HELLS: variants seen among roughly 807,000 people sequenced by gnomAD.
HELLS encodes the protein helicase, lymphoid specific.
HELLS carries 32 observed loss-of-function variants against 120.0 expected under a neutral mutation model. The observed-to-expected ratio is 0.27, with a 90% CI of 0.20 to 0.36. The LOEUF (loss-of-function observed/expected upper bound fraction) is 0.36, where lower values mean the gene tolerates loss of function less well. HELLS is among the 10% of genes least tolerant of loss of function. HELLS has a pLI of 1.00. For synonymous variants in HELLS, 341 were observed against 323.4 expected (o/e 1.05, Z -0.58); for missense variants, 650 against 993.4 (o/e 0.65, Z 4.65).
At chr10:94,550,078 G>C (rs1166015373) in intron 2 of HELLS, among the ~76,000 whole-genome samples, 1 of 152,004 alleles carries the variant, frequency 6.6e-6, no homozygotes, top group African/African-American at 2.4e-5. Context: ...GTGCCGCCAA[G>C]CCTGGCTAAT....
chr10:94,587,427 TTGTGTG>T (rs149130379), intron 12 of HELLS, among the ~76,000 whole-genome samples: 1 of 150,766 alleles, frequency 6.6e-6, no homozygotes, highest in Admixed American at 6.6e-5. Context: ...TTATACACTT[TTGTGTG>T]TGTGTGTGTG....
intron 7 of HELLS, among the ~76,000 whole-genome samples, 176 bp from the exon 8 acceptor site, chr10:94,573,784 T>C (rs542099823): frequency 1.3e-5 from 2 of 152,004 alleles, no homozygotes; most frequent in Non-Finnish European, 1.5e-5. Flanking sequence ...TTTTAGTAGC[T>C]TTTCATTTGT....
In HELLS at chr10:94,588,165, C is replaced by CAGTATTCCTTGAAAAACA. The variant is rs1300540807; in HGVS notation, c.1327-61_1327-44dup. On this transcript the variant is annotated intron_variant, in intron 12 of 21. Coordinates refer to ENST00000348459, the MANE Select transcript of HELLS (RefSeq NM_018063.5). ...GATAAGGTAAAGGAGTATATGGGGA[C>CAGTATTCCTTGAAAAACA]AGTATTCCTTGAAAAACAAGAATGT... The CAGTATTCCTTGAAAAACA allele has an allele frequency of 4.5e-6, 4 of 894,358 alleles. No individual in the cohort carries two copies. The African/African-American group carries it at 6.7e-5, about 15-fold the overall frequency. The allele number at this position is 894,358 out of a possible 1,614,324, so 55.4% of individuals were successfully genotyped here.
chr10:94,571,290 T>A (rs1252402986), intron 6 of HELLS, 98 bp from the exon 7 acceptor site: 10 of 1,011,504 alleles, frequency 9.9e-6, no homozygotes, highest in Non-Finnish European at 1.4e-5. Context: ...CTCATCCTCA[T>A]TTCCTGGCAA....
intron 2 of HELLS, among the ~76,000 whole-genome samples, chr10:94,548,796 C>A (rs753804717): frequency 2.2e-4 from 34 of 152,072 alleles, no homozygotes; most frequent in Non-Finnish European, 4.1e-4. Flanking sequence ...GAGTTCGAGA[C>A]CAGTTTGGCC....
chr10:94,602,254 C>G (rs576270426), downstream of HELLS, among the ~76,000 whole-genome samples: 5 of 152,132 alleles, frequency 3.3e-5, no homozygotes, highest in African/African-American at 1.2e-4. Flanking sequence ...TGTGTTAGCA[C>G]AAGAGAAGTT....
At chr10:94,580,699 T>A (rs1372108618) in intron 10 of HELLS, among the ~76,000 whole-genome samples, 1 of 152,174 alleles carries the variant, frequency 6.6e-6, no homozygotes, top group African/African-American at 2.4e-5. Context: ...GTCAGTCCCA[T>A]TTTTTAAGGA....
intron 6 of HELLS, among the ~76,000 whole-genome samples, chr10:94,566,864 AG>A (rs1195444397): frequency 1.3e-5 from 2 of 151,936 alleles, no homozygotes; most frequent in African/African-American, 4.8e-5. Flanking sequence ...CATCTTGGCC[AG>A]GCTGGTCTCA....
rs774628188 is a variant in HELLS at position 94,550,221 on chromosome 10, A to AT, written c.153+3734dup. On this transcript the variant is annotated intron_variant, in intron 2 of 21. Coordinates refer to ENST00000348459, the MANE Select transcript of HELLS (RefSeq NM_018063.5). Reference sequence around the variant, plus strand: ...AGGCATTAGCCACCATGCCCAGCTGATTTTTTTTTTTAGGAAAAATTTTTC... The same window carrying AT: ...AGGCATTAGCCACCATGCCCAGCTGATTTTTTTTTTTTAGGAAAAATTTTTC... 6.2e-3 allele frequency among the ~76,000 whole-genome samples: 900 copies of AT among 145,746 alleles called. 4 individuals are homozygous for AT. The highest frequency in any genetic ancestry group is 0.013 in the African/African-American group (510 of 39,902).
chr10:94,588,187 A>C (rs776018721), intron 12 of HELLS, 42 bp from the exon 13 acceptor site: 2 of 1,220,774 alleles, frequency 1.6e-6, no homozygotes, highest in Admixed American at 4.3e-5. Flanking sequence ...AAAAACAAGA[A>C]TGTTTAATAC....
rs563130783 is a variant in HELLS, at chr10:94,548,088, A to G, written c.153+1590A>G. Among the ~76,000 whole-genome samples, 29 of 152,336 alleles carry G rather than the reference A, an allele frequency of 1.9e-4. No homozygotes were observed. The East Asian group carries it at 3.9e-3, about 20-fold the overall frequency. The stretch of plus-strand genomic sequence containing the variant: ...CCAAATAAGTAATGATAAATACTTC[A>G]TACTACTTTTTGATTCTTTCTCACT... On this transcript the variant is annotated intron_variant, in intron 2 of 21. Coordinates refer to ENST00000348459, the MANE Select transcript of HELLS (RefSeq NM_018063.5).
rs890212226 is a variant in HELLS, at chr10:94,590,843, A to C, written c.1767+67A>C. On this transcript the variant is annotated intron_variant, in intron 15 of 21. Transcript: ENST00000348459. Reference sequence around the variant, plus strand: ...TACTTTTATATTGGTGGAAAGTGTTACTTTTTTTGATTATAATTATTAAAA... The same window carrying C: ...TACTTTTATATTGGTGGAAAGTGTTCCTTTTTTTGATTATAATTATTAAAA... 1.5e-5 allele frequency: 13 copies of C among 874,014 alleles called. No homozygotes were observed. In the African/African-American group the frequency reaches 2.3e-4, roughly 15 times the overall value. 54.1% of individuals were successfully genotyped at this position (874,014 alleles called of 1,614,324 possible). A position where few individuals can be genotyped will look rare whatever the true frequency, so the allele number is the denominator to read the frequency against.
exon 10 of HELLS, chr10:94,611,310 T>G (rs1212915290): frequency 6.6e-6 from 1 of 152,176 alleles, no homozygotes; most frequent in African/African-American, 2.4e-5. Context: ...TTAGTCATAA[T>G]CATCTCAAGG....
chr10:94,592,362 T>C (rs781221939), intron 16 of HELLS, 33 bp from the exon 17 acceptor site: 31 of 1,580,700 alleles, frequency 2.0e-5, no homozygotes, highest in African/African-American at 2.7e-5. Context: ...TTTTTATCAA[T>C]CATTAGAAAT....
chr10:94,584,184 A>G, intron 12 of HELLS: 1 of 630,082 alleles, frequency 1.6e-6, no homozygotes, highest in Non-Finnish European at 2.3e-6. Context: ...CTGAATTGAG[A>G]TGTTTATTGA....
intron 18 of HELLS, 31 bp from the exon 19 acceptor site, chr10:94,594,664 G>A (rs369146177): frequency 1.1e-5 from 17 of 1,550,884 alleles, no homozygotes; most frequent in South Asian, 9.4e-5. Context: ...ACCTAATACC[G>A]TTAAATATTA....
chr10:94,587,577 G>A (rs941270910), intron 12 of HELLS, among the ~76,000 whole-genome samples: 1 of 151,978 alleles, frequency 6.6e-6, no homozygotes, highest in African/African-American at 2.4e-5. Context: ...ACAGGTACCC[G>A]CCAGCACACC....
At chr10:94,600,903 CAT>C (rs758426794) in intron 21 of HELLS, among the ~76,000 whole-genome samples, 23 of 152,078 alleles carry the variant, frequency 1.5e-4, no homozygotes, top group Middle Eastern at 3.4e-3. Flanking sequence ...ATATTTGCAA[CAT>C]ATAACAGGAA....
intron 2 of HELLS, among the ~76,000 whole-genome samples, chr10:94,551,632 A>G (rs1842983094): frequency 1.3e-5 from 2 of 152,192 alleles, no homozygotes; most frequent in South Asian, 4.1e-4. Context: ...AGGAAAATGT[A>G]AGGCAATATA....
Sources: gnomAD v4.1 joint callset for allele counts (sites outside exome capture counted in the v4.1 genomes callset) on GRCh38, gnomAD v4.1.1 for gene constraint, MANE v1.5 for transcripts, NCBI Gene and HGNC (gene_info 2026-07-23, HGNC 2026-07-21) for gene names.